Variants in CSGALNACT1 observed in about 807,000 individuals in gnomAD.
CSGALNACT1 encodes the protein chondroitin sulfate N-acetylgalactosaminyltransferase 1, also known as beta4GalNAcT-1.
A neutral mutation model predicts 51.0 loss-of-function variants in CSGALNACT1; 52 were observed. The ratio of observed to expected loss-of-function variants is 1.02; its 90% confidence interval spans 0.82 to 1.29. The LOEUF (loss-of-function observed/expected upper bound fraction) is 1.29, where lower values mean the gene tolerates loss of function less well. Among genes scored for constraint, CSGALNACT1 ranks in the 50% most tolerant of loss-of-function variants. The pLI is 0.00. For missense variants in CSGALNACT1, 935 were observed against 679.2 expected, an observed-to-expected ratio of 1.38 and a Z score of -4.19; for synonymous variants, 341 against 254.4, an observed-to-expected ratio of 1.34 and a Z score of -3.24.
At chr8:19,722,619 A>G (rs149950479) in intron 1 of CSGALNACT1, among the ~76,000 whole-genome samples, 4 of 152,278 alleles carry the variant, frequency 2.6e-5, no homozygotes, top group African/African-American at 9.6e-5. Context: ...GGTCCACCAA[A>G]TTCAATCCAG....
intron 1 of CSGALNACT1, among the ~76,000 whole-genome samples, chr8:19,748,498 C>G (rs543896811): frequency 2.6e-5 from 4 of 152,266 alleles, no homozygotes; most frequent in South Asian, 4.1e-4. Context: ...CTCCTTGACA[C>G]TCGTTTTCTT....
chr8:19,550,662 C>T (rs1189314528), intron 3 of CSGALNACT1, among the ~76,000 whole-genome samples: 1 of 152,098 alleles, frequency 6.6e-6, no homozygotes, highest in Non-Finnish European at 1.5e-5. Context: ...TAAAACTGTG[C>T]ATTTAAGTGA....
intron 2 of CSGALNACT1, among the ~76,000 whole-genome samples, chr8:19,599,486 A>AAG (rs1193530736): frequency 1.8e-5 from 2 of 110,070 alleles, no homozygotes; most frequent in African/African-American, 6.1e-5. Flanking sequence ...GAAAGAAAGA[A>AAG]AGAAAGAAAG....
At chr8:19,648,954 T>C (rs565080244) in intron 1 of CSGALNACT1, among the ~76,000 whole-genome samples, 1 of 152,120 alleles carries the variant, frequency 6.6e-6, no homozygotes, top group Non-Finnish European at 1.5e-5. Flanking sequence ...GTGTTGAAGA[T>C]CTCATATGGG....
intron 3 of CSGALNACT1, among the ~76,000 whole-genome samples, chr8:19,526,846 TA>T (rs2081811219): frequency 6.6e-6 from 1 of 152,158 alleles, no homozygotes. Flanking sequence ...TTTTTGCAAC[TA>T]AAATTATCAA....
chr8:19,649,306 C>A (rs944621463), intron 1 of CSGALNACT1, among the ~76,000 whole-genome samples: 2 of 152,070 alleles, frequency 1.3e-5, no homozygotes, highest in Non-Finnish European at 2.9e-5. Flanking sequence ...CAGAAAGCTT[C>A]TAAGAGTAGT....
chr8:19,491,241 G>A (rs746910125), intron 4 of CSGALNACT1, among the ~76,000 whole-genome samples: 3 of 151,876 alleles, frequency 2.0e-5, no homozygotes, highest in Admixed American at 1.3e-4. Flanking sequence ...TTTGTTTACC[G>A]TACAATATTC....
chr8:19,627,771 G>T (rs986931541), intron 1 of CSGALNACT1, among the ~76,000 whole-genome samples: 23 of 152,302 alleles, frequency 1.5e-4, no homozygotes, highest in African/African-American at 4.8e-4. Context: ...GCTGCAGTGA[G>T]CTATGGTTAC....
chr8:19,536,938 G>C (rs1252093947), intron 3 of CSGALNACT1, among the ~76,000 whole-genome samples: 1 of 152,122 alleles, frequency 6.6e-6, no homozygotes. Context: ...AATGGTGCTG[G>C]TTCTGGAGCA....
upstream of CSGALNACT1, among the ~76,000 whole-genome samples, chr8:19,687,292 A>G (rs373480278): frequency 3.9e-5 from 6 of 152,166 alleles, no homozygotes; most frequent in Non-Finnish European, 5.9e-5. Flanking sequence ...ATGATCACTT[A>G]AACACACACA....
chr8:19,474,339 C>G (rs780171979), intron 4 of CSGALNACT1, among the ~76,000 whole-genome samples: 14 of 152,046 alleles, frequency 9.2e-5, no homozygotes, highest in Non-Finnish European at 1.6e-4. Flanking sequence ...AAGTTGGAAA[C>G]TATTATCAAA....
chr8:19,506,867 G>A (rs1401257955), intron 3 of CSGALNACT1, among the ~76,000 whole-genome samples: 1 of 152,190 alleles, frequency 6.6e-6, no homozygotes, highest in South Asian at 2.1e-4. Flanking sequence ...GCAGAACTGT[G>A]AGCCAGATAA....
At chr8:19,727,744 G>A (rs1325769086) in intron 1 of CSGALNACT1, among the ~76,000 whole-genome samples, 1 of 152,082 alleles carries the variant, frequency 6.6e-6, no homozygotes, top group Non-Finnish European at 1.5e-5. Context: ...CACCATGGCT[G>A]GGTGACATTT....
Position 19,555,095 on chromosome 8 carries a change from C to T in CSGALNACT1, c.-297+36065G>A, listed in dbSNP as rs148658081. ...CTCTACTAAAAATACAAAAATTAGC[C>T]GGGCGTGGTGCTGAGCGCCTGTAGT... On this transcript the variant is annotated intron_variant, in intron 3 of 9. Coordinates refer to ENST00000454498, the Ensembl canonical transcript of CSGALNACT1. 5.5e-4 allele frequency among the ~76,000 whole-genome samples: 83 copies of T among 151,508 alleles called. 1 individual carries two copies. In the East Asian group the frequency reaches 0.015, roughly 27 times the overall value.
At chr8:19,701,173 T>TTTTTTTTTTG (rs1589591748) in intron 1 of CSGALNACT1, among the ~76,000 whole-genome samples, 1 of 148,814 alleles carries the variant, frequency 6.7e-6, no homozygotes, top group African/African-American at 2.5e-5. Context: ...TTTTTTTTTT[T>TTTTTTTTTTG]GATACAGAGT....
intron 1 of CSGALNACT1, among the ~76,000 whole-genome samples, chr8:19,617,757 T>C (rs1476455660): frequency 1.3e-5 from 2 of 152,362 alleles, no homozygotes; most frequent in African/African-American, 4.8e-5. Context: ...TATTTTGACA[T>C]GTTAGGATAT....
upstream of CSGALNACT1, among the ~76,000 whole-genome samples, chr8:19,605,186 C>T (rs1450590718): frequency 6.6e-6 from 1 of 152,210 alleles, no homozygotes; most frequent in African/African-American, 2.4e-5. Flanking sequence ...CAAAACCTTG[C>T]TTTGCCCAAT....
chr8:19,413,872 G>C lies in CSGALNACT1; in HGVS notation c.1227+4784C>G, dbSNP rs539062430. Among the ~76,000 whole-genome samples the C allele has an allele frequency of 1.4e-3, 211 of 152,304 alleles. 1 individual carries two copies. The highest frequency in any genetic ancestry group is 4.9e-3 in the African/African-American group (204 of 41,578). On this transcript the variant is annotated intron_variant, in intron 8 of 9. Transcript: ENST00000454498. ...AGCAGGTGTGCTCACCTGGCAACAAGGCTGGCTTGGGTGACTATGGAGCTG... is the reference window on the plus strand; with the variant it reads ...AGCAGGTGTGCTCACCTGGCAACAACGCTGGCTTGGGTGACTATGGAGCTG...
chr8:19,513,680 T>A (rs550671462), intron 3 of CSGALNACT1, among the ~76,000 whole-genome samples: 11 of 152,096 alleles, frequency 7.2e-5, no homozygotes, highest in Non-Finnish European at 1.6e-4. Context: ...TTCACAAAGC[T>A]AGATGGTAGA....
Sources: allele counts gnomAD v4.1 joint callset (sites outside exome capture counted in the v4.1 genomes callset), GRCh38; gene constraint gnomAD v4.1.1; transcripts MANE v1.5; gene names NCBI Gene and HGNC (gene_info 2026-07-23, HGNC 2026-07-21).